Variants in SLCO3A1 observed in about 807,000 individuals in gnomAD.
SLCO3A1 encodes PGE1 transporter.
Under a neutral mutation model 63.1 loss-of-function variants are expected in SLCO3A1, and 27 were observed. That is an observed-to-expected ratio of 0.43 (90% CI 0.32 to 0.59). The LOEUF (loss-of-function observed/expected upper bound fraction) is 0.59, where lower values mean the gene tolerates loss of function less well. Among genes scored for constraint, SLCO3A1 ranks in the 20% least tolerant of loss-of-function variants. The pLI is 0.09. For synonymous variants in SLCO3A1, 473 were observed against 409.9 expected (o/e 1.15, Z -1.86); for missense variants, 773 against 945.8 (o/e 0.82, Z 2.40).
At chr15:91,867,671 T>C (rs1400115448) in intron 1 of SLCO3A1, among the ~76,000 whole-genome samples, 2 of 152,208 alleles carry the variant, frequency 1.3e-5, no homozygotes, top group African/African-American at 4.8e-5. Flanking sequence ...ATGAAGGCCC[T>C]TCAAACTTCC....
In SLCO3A1 at chr15:91,875,387, T is replaced by C; in HGVS notation, c.180+21299T>C. ...TCCATGGCATGATGTTGGCACTGCCTTTCCAGTTTACTCTCTCCACAGGGT... is the reference window on the plus strand; with the variant it reads ...TCCATGGCATGATGTTGGCACTGCCCTTCCAGTTTACTCTCTCCACAGGGT... On this transcript the variant is annotated intron_variant, in intron 1 of 9. Transcript: ENST00000318445. The surrounding 1 kb of genome is among the most constrained non-coding windows in gnomAD (Gnocchi z 4.5). Among the ~76,000 whole-genome samples, 1 of 152,334 alleles carries C rather than the reference T, an allele frequency of 6.6e-6. No individual in the cohort carries two copies. Among genetic ancestry groups the C allele is most frequent in the Admixed American group, 6.5e-5 (1 of 15,308 alleles).
chr15:92,105,240 C>G (rs539079384), intron 4 of SLCO3A1, among the ~76,000 whole-genome samples: 1 of 152,220 alleles, frequency 6.6e-6, no homozygotes, highest in South Asian at 2.1e-4. Context: ...AGCCACTGCA[C>G]TCCAGCCTGG....
intron 4 of SLCO3A1, among the ~76,000 whole-genome samples, chr15:92,112,152 T>C (rs2047737018): frequency 6.6e-6 from 1 of 152,074 alleles, no homozygotes; most frequent in South Asian, 2.1e-4. Context: ...AGGATCCCCG[T>C]GGATGGAGAG....
intron 2 of SLCO3A1, among the ~76,000 whole-genome samples, chr15:91,960,213 GA>G (rs1900392731): frequency 6.6e-6 from 1 of 152,134 alleles, no homozygotes; most frequent in Non-Finnish European, 1.5e-5. Context: ...TCGATCTCCT[GA>G]CCTCGTGATC....
rs1278209530 is a variant in SLCO3A1 at position 91,950,515 on chromosome 15, C to G, written c.646+34057C>G. ...GTTGTGCAGTATGGCAGGCGCACCCCACATGGGTGTGTGATCCTTTGTTTT... is the reference window on the plus strand; with the variant it reads ...GTTGTGCAGTATGGCAGGCGCACCCGACATGGGTGTGTGATCCTTTGTTTT... On this transcript the variant is annotated intron_variant, in intron 2 of 9. Coordinates refer to ENST00000318445, the MANE Select transcript of SLCO3A1 (RefSeq NM_013272.4). This position sits in a 1 kb window ranked among gnomAD's most constrained non-coding sequence, Gnocchi z 4.4. Among the ~76,000 whole-genome samples the G allele has an allele frequency of 1.3e-5, 2 of 152,364 alleles. No individual in the cohort carries two copies. The highest frequency in any genetic ancestry group is 3.9e-4 in the East Asian group (2 of 5,184).
In SLCO3A1 at chr15:91,994,489, C is replaced by T. The variant is rs142973442; in HGVS notation, c.646+78031C>T. On this transcript the variant is annotated intron_variant, in intron 2 of 9. Transcript: ENST00000318445. ...TGCTTTTTTTAAATGAACTAAGCAG[C>T]CTGGCCAGAGTCCATGCCCTCAGCA... Among the ~76,000 whole-genome samples the T allele has an allele frequency of 4.6e-5, 7 of 152,268 alleles. No individual in the cohort carries two copies. The East Asian group carries it at 1.2e-3, about 25-fold the overall frequency.
At chr15:92,045,510 A>G (rs183727389) in intron 2 of SLCO3A1, among the ~76,000 whole-genome samples, 100 of 152,294 alleles carry the variant, frequency 6.6e-4, no homozygotes, top group African/African-American at 2.1e-3. Context: ...CCACTATAAT[A>G]TGAAATTTTT....
At chr15:92,054,412 A>G (rs918497346) in intron 2 of SLCO3A1, among the ~76,000 whole-genome samples, 15 of 152,226 alleles carry the variant, frequency 9.9e-5, no homozygotes, top group African/African-American at 2.7e-4. Context: ...AATGATCCCA[A>G]GTCTTTTTTC....
chr15:92,066,853 C>A (rs1282650083), intron 2 of SLCO3A1, among the ~76,000 whole-genome samples: 1 of 152,154 alleles, frequency 6.6e-6, no homozygotes, highest in Non-Finnish European at 1.5e-5. Context: ...TTCAAAGGGA[C>A]CTTCTGTCCC....
chr15:91,968,609 A>G lies in SLCO3A1; in HGVS notation c.646+52151A>G, dbSNP rs1311413805. Reference sequence around the variant, plus strand: ...CACAGACAAGGAGTGAGAAGAAGCCAGGGTAGAAACAAGCGACCCCTGCTT... The same window carrying G: ...CACAGACAAGGAGTGAGAAGAAGCCGGGGTAGAAACAAGCGACCCCTGCTT... On this transcript the variant is annotated intron_variant, in intron 2 of 9. Transcript: ENST00000318445. The surrounding 1 kb of genome is among the most constrained non-coding windows in gnomAD (Gnocchi z 4.2). Among the ~76,000 whole-genome samples the G allele has an allele frequency of 6.6e-6, 1 of 152,158 alleles. No homozygotes were observed. The highest frequency in any genetic ancestry group is 2.4e-5 in the African/African-American group (1 of 41,454).
At chr15:91,977,839 T>TA (rs1597180589) in intron 2 of SLCO3A1, among the ~76,000 whole-genome samples, 1 of 152,182 alleles carries the variant, frequency 6.6e-6, no homozygotes, top group South Asian at 2.1e-4. Flanking sequence ...TTATTAGAAA[T>TA]ACTTTTTAAT....
At chr15:91,914,131 C>T (rs1898573715) in intron 1 of SLCO3A1, among the ~76,000 whole-genome samples, 1 of 152,220 alleles carries the variant, frequency 6.6e-6, no homozygotes, top group South Asian at 2.1e-4. Context: ...AGGTAGCACT[C>T]TTATCCCCCT....
chr15:92,168,537 C>G (rs1596164709), downstream of SLCO3A1, among the ~76,000 whole-genome samples: 1 of 152,186 alleles, frequency 6.6e-6, no homozygotes, highest in East Asian at 1.9e-4. Context: ...CCATCGTGTG[C>G]TGATCTCTGT....
chr15:91,980,424 T>A (rs962627947), intron 2 of SLCO3A1, among the ~76,000 whole-genome samples: 8 of 145,694 alleles, frequency 5.5e-5, no homozygotes, highest in African/African-American at 2.0e-4. Flanking sequence ...TCTGAGAGTT[T>A]AAAAAAAAAA....
At chr15:91,922,669 T>G (rs917143523) in intron 2 of SLCO3A1, among the ~76,000 whole-genome samples, 2 of 152,212 alleles carry the variant, frequency 1.3e-5, no homozygotes, top group Admixed American at 1.3e-4. Flanking sequence ...GTGACTGAAG[T>G]TCATCTGAAA....
chr15:91,955,137 C>T (rs770597523), intron 2 of SLCO3A1, among the ~76,000 whole-genome samples: 18 of 152,190 alleles, frequency 1.2e-4, no homozygotes, highest in African/African-American at 3.4e-4. Context: ...CAGTCTTCAC[C>T]GCACCCCTGT....
At chr15:92,063,786 G>T (rs1334071247) in intron 2 of SLCO3A1, among the ~76,000 whole-genome samples, 2 of 152,112 alleles carry the variant, frequency 1.3e-5, no homozygotes, top group Non-Finnish European at 2.9e-5. Flanking sequence ...GGAGGCGGAG[G>T]TTGCAGTGAG....
At chr15:92,086,821 C>A (rs1050592614) in intron 2 of SLCO3A1, among the ~76,000 whole-genome samples, 6 of 152,064 alleles carry the variant, frequency 3.9e-5, no homozygotes, top group Middle Eastern at 3.4e-3. Context: ...ACTAAAAATA[C>A]AAAAATTAGC....
At chr15:92,028,840 G>A (rs2046608435) in intron 2 of SLCO3A1, among the ~76,000 whole-genome samples, 1 of 151,940 alleles carries the variant, frequency 6.6e-6, no homozygotes, top group Non-Finnish European at 1.5e-5. Flanking sequence ...CTGGAAATGA[G>A]AGTGTTTTGC....
Sources: gnomAD v4.1 joint callset for allele counts (sites outside exome capture counted in the v4.1 genomes callset) on GRCh38, gnomAD v4.1.1 for gene constraint, Gnocchi (gnomAD v3.1) non-coding constraint, MANE v1.5 for transcripts, NCBI Gene and HGNC (gene_info 2026-07-23, HGNC 2026-07-21) for gene names.